Variants in FBXL17 observed in about 807,000 individuals in gnomAD.
The protein encoded by FBXL17 is F-box/LRR-repeat protein 17.
Under a neutral mutation model 66.2 loss-of-function variants are expected in FBXL17, and 22 were observed. The ratio of observed to expected loss-of-function variants is 0.33; its 90% CI spans 0.24 to 0.47. The LOEUF (loss-of-function observed/expected upper bound fraction) is 0.47, where lower values mean the gene tolerates loss of function less well. FBXL17 is among the 20% of genes least tolerant of loss of function. The pLI, the probability that FBXL17 is intolerant of heterozygous loss-of-function variation, is 1.00. For synonymous variants in FBXL17, 474 were observed against 400.5 expected (o/e 1.18, Z -2.19); for missense variants, 878 against 948.2 (o/e 0.93, Z 0.97).
At chr5:107,950,226 T>C (rs1751452063) in intron 7 of FBXL17, among the ~76,000 whole-genome samples, 1 of 152,116 alleles carries the variant, frequency 6.6e-6, no homozygotes. Flanking sequence ...ACCTCTCTGC[T>C]CATTTAGAAA....
At chr5:108,097,732 T>G (rs1749434700) in intron 6 of FBXL17, among the ~76,000 whole-genome samples, 1 of 147,376 alleles carries the variant, frequency 6.8e-6, no homozygotes, top group Non-Finnish European at 1.5e-5. Context: ...GAAGCTGCAG[T>G]GAGAAAAGAT....
intron 6 of FBXL17, among the ~76,000 whole-genome samples, chr5:108,026,050 A>G (rs894075113): frequency 2.6e-5 from 4 of 152,192 alleles, no homozygotes; most frequent in African/African-American, 9.6e-5. Flanking sequence ...GCACAATATA[A>G]AAGATTTCTA....
In FBXL17 at chr5:108,247,518, C is replaced by T. The variant is rs1008325952; in HGVS notation, c.1507-23290G>A. On this transcript the variant is annotated intron_variant, in intron 4 of 8. Coordinates refer to ENST00000542267, the MANE Select transcript of FBXL17 (RefSeq NM_001163315.3). ...AATTAGATTATTAGGCTAAGGCTTT[C>T]TCATAAATAAGGTCATTCTCCTAAA... Among the ~76,000 whole-genome samples, 7 of 152,216 alleles carry T rather than the reference C, an allele frequency of 4.6e-5. 1 individual carries two copies. In the East Asian group the frequency reaches 1.3e-3, roughly 29 times the overall value.
At chr5:108,336,570 T>C (rs1051612747) in intron 4 of FBXL17, among the ~76,000 whole-genome samples, 1 of 152,144 alleles carries the variant, frequency 6.6e-6, no homozygotes, top group East Asian at 1.9e-4. Flanking sequence ...AATGAAAATA[T>C]ATAACAGGTA....
chr5:108,282,141 G>A (rs1473304667), intron 4 of FBXL17, among the ~76,000 whole-genome samples: 1 of 151,762 alleles, frequency 6.6e-6, no homozygotes, highest in East Asian at 1.9e-4. Context: ...TCAAAAAATT[G>A]AGGAGGATGG....
At chr5:108,187,303 G>A (rs1259337465) in intron 5 of FBXL17, among the ~76,000 whole-genome samples, 1 of 152,004 alleles carries the variant, frequency 6.6e-6, no homozygotes, top group Non-Finnish European at 1.5e-5. Flanking sequence ...ACTTAATCTG[G>A]AGGCATATGA....
At chr5:108,107,505 T>G (rs886390454) in intron 6 of FBXL17, among the ~76,000 whole-genome samples, 4 of 152,120 alleles carry the variant, frequency 2.6e-5, no homozygotes, top group Non-Finnish European at 5.9e-5. Flanking sequence ...AATTTCACTT[T>G]GTTAGATTCC....
chr5:108,076,393 A>T (rs546378171), intron 6 of FBXL17, among the ~76,000 whole-genome samples: 2 of 152,316 alleles, frequency 1.3e-5, no homozygotes, highest in Admixed American at 1.3e-4. Context: ...AAAATGGCTT[A>T]CTTATATCTT....
In FBXL17 at chr5:108,226,000, G is replaced by A. The variant is rs191136012; in HGVS notation, c.1507-1772C>T. ...AGTCCTCAGCTCATTTCTCTTTTCC[G>A]TCTTACTTCATTCCTTAGGTGATCA... is the stretch of plus-strand genomic sequence containing the variant. On this transcript the variant is annotated intron_variant, in intron 4 of 8. Coordinates refer to ENST00000542267, the MANE Select transcript of FBXL17 (RefSeq NM_001163315.3). 1.3e-4 allele frequency among the ~76,000 whole-genome samples: 19 copies of A among 151,964 alleles called. No homozygotes were observed. In the East Asian group the frequency reaches 2.3e-3, roughly 19 times the overall value.
intron 3 of FBXL17, among the ~76,000 whole-genome samples, chr5:108,356,689 G>A (rs1748013713): frequency 6.6e-6 from 1 of 151,928 alleles, no homozygotes; most frequent in African/African-American, 2.4e-5. Flanking sequence ...TAAATAGGCA[G>A]AATACAGAGG....
intron 4 of FBXL17, among the ~76,000 whole-genome samples, chr5:108,256,625 A>C (rs918615478): frequency 1.3e-5 from 2 of 152,164 alleles, no homozygotes; most frequent in South Asian, 4.1e-4. Context: ...ATATGAAAAT[A>C]AGGATGAAGC....
At chr5:108,337,606 CAA>C (rs1342286058) in intron 4 of FBXL17, among the ~76,000 whole-genome samples, 2 of 150,130 alleles carry the variant, frequency 1.3e-5, no homozygotes, top group Non-Finnish European at 3.0e-5. Flanking sequence ...AGGTAATTCT[CAA>C]AGAGTATTTG....
At chr5:108,375,319 T>C (rs1322816941) in intron 1 of FBXL17, among the ~76,000 whole-genome samples, 4 of 151,792 alleles carry the variant, frequency 2.6e-5, no homozygotes, top group Non-Finnish European at 5.9e-5. Context: ...TACATAGCTA[T>C]AAGCTATGAT....
At chr5:107,963,349 CTG>C (rs141211295) in intron 7 of FBXL17, among the ~76,000 whole-genome samples, 2 of 152,044 alleles carry the variant, frequency 1.3e-5, no homozygotes, top group South Asian at 2.1e-4. Flanking sequence ...AAACAAAACT[CTG>C]TGTGTGTGTA....
At chr5:107,963,584 T>A (rs1752002494) in intron 7 of FBXL17, among the ~76,000 whole-genome samples, 1 of 152,186 alleles carries the variant, frequency 6.6e-6, no homozygotes, top group African/African-American at 2.4e-5. Flanking sequence ...TTGTTTTATT[T>A]CCTTTAAAAC....
intron 4 of FBXL17, among the ~76,000 whole-genome samples, chr5:108,326,516 T>C (rs1759860336): frequency 6.6e-6 from 1 of 151,838 alleles, no homozygotes; most frequent in Non-Finnish European, 1.5e-5. Context: ...GGCAGGAGAA[T>C]CGCTTAAACT....
chr5:108,275,427 A>G (rs1048374728), intron 4 of FBXL17, among the ~76,000 whole-genome samples: 17 of 152,352 alleles, frequency 1.1e-4, no homozygotes, highest in African/African-American at 3.8e-4. Flanking sequence ...GTCTATGCTA[A>G]GCATGCTATG....
intron 6 of FBXL17, among the ~76,000 whole-genome samples, chr5:108,060,747 C>T (rs1305360480): frequency 2.0e-5 from 3 of 152,068 alleles, no homozygotes; most frequent in Non-Finnish European, 4.4e-5. Context: ...ATCCTATGGC[C>T]TCCCTTCTCA....
chr5:108,153,351 T>C (rs958124582), intron 6 of FBXL17, among the ~76,000 whole-genome samples: 2 of 152,244 alleles, frequency 1.3e-5, no homozygotes, highest in Non-Finnish European at 2.9e-5. Context: ...GGAAGCATTA[T>C]GATACATGGC....
Sources: allele counts gnomAD v4.1 joint callset (sites outside exome capture counted in the v4.1 genomes callset), GRCh38; gene constraint gnomAD v4.1.1; transcripts MANE v1.5; gene names NCBI Gene and HGNC (gene_info 2026-07-23, HGNC 2026-07-21).